ASPH: variants seen among roughly 807,000 people sequenced by gnomAD.
ASPH encodes the protein aspartate beta-hydroxylase, also known as aspartyl/asparaginyl beta-hydroxylase.
Under a neutral mutation model 118.4 loss-of-function variants are expected in ASPH, and 100 were observed. The ratio of observed to expected loss-of-function variants is 0.84; its 90% confidence interval spans 0.72 to 1.00. The LOEUF (loss-of-function observed/expected upper bound fraction) is 1.00. Ranked by LOEUF, ASPH falls within the 50% of genes least tolerant of loss-of-function variation. The probability of loss-of-function intolerance (pLI) is 0.00; values close to 1 mark genes in which losing one functional copy is unlikely to be tolerated. For synonymous variants in ASPH, 315 were observed against 325.6 expected, an observed-to-expected ratio of 0.97 and a Z score of 0.35; for missense variants, 920 against 919.5, an observed-to-expected ratio of 1.00 and a Z score of -0.01.
intron 1 of ASPH, among the ~76,000 whole-genome samples, chr8:61,688,010 T>C (rs1831217966): frequency 6.6e-6 from 1 of 152,190 alleles, no homozygotes; most frequent in Non-Finnish European, 1.5e-5. Context: ...ATACTCTTGA[T>C]ATGTCATTTG....
chr8:61,553,211 T>A (rs1227114028), intron 19 of ASPH, 91 bp from the exon 20 acceptor site: 1 of 1,033,346 alleles, frequency 9.7e-7, no homozygotes, highest in Non-Finnish European at 1.4e-6. Context: ...GCACATCGTA[T>A]GAAAACCTAA....
rs1333564353 is a variant in ASPH, at chr8:61,583,958, T to C, written c.1048A>G (p.Lys350Glu). The change falls in exon 15 of 25, where the codon AAA (lysine) becomes GAA (glutamate). Residue 350 changes from lysine to glutamate, a missense_variant. Physicochemically the swap from Lys to Glu is moderately conservative, Grantham distance 56. Coordinates refer to ENST00000379454, the MANE Select transcript of ASPH (RefSeq NM_004318.4). The stretch of plus-strand genomic sequence containing the variant: ...TATCAACCTACCCTTTTACGGAGTT[T>C]TTCTGCAGCATCAAGTTCAGCTTTA... ...TIKAELDAAE[K>E]LRKRGKIEEA... is the part of the protein sequence containing the mutation. 1 of 1,585,458 alleles carries C rather than the reference T, an allele frequency of 6.3e-7. No individual in the cohort carries two copies. The highest frequency in any genetic ancestry group is 1.2e-5 in the South Asian group (1 of 85,630).
intron 13 of ASPH, chr8:61,624,192 A>C (rs989463065): frequency 1.0e-6 from 1 of 954,016 alleles, no homozygotes; most frequent in Non-Finnish European, 1.2e-6. Flanking sequence ...ATATAGTCAA[A>C]TTTATACATC....
chr8:61,625,268 T>C (rs1852331648), intron 13 of ASPH: 1 of 985,688 alleles, frequency 1.0e-6, no homozygotes, highest in African/African-American at 1.7e-5. Context: ...AAAAGGCTCA[T>C]TGCCGTGAAA....
chr8:61,670,792 C>A (rs1822078110), intron 3 of ASPH, among the ~76,000 whole-genome samples: 1 of 150,950 alleles, frequency 6.6e-6, no homozygotes, highest in African/African-American at 2.4e-5. Flanking sequence ...AGACAAGAAA[C>A]AATAGCTCAA....
intron 3 of ASPH, among the ~76,000 whole-genome samples, chr8:61,671,267 G>A (rs1822359002): frequency 6.6e-6 from 1 of 152,154 alleles, no homozygotes; most frequent in African/African-American, 2.4e-5. Flanking sequence ...TCTCCCTACA[G>A]TGCCAAAATG....
At chr8:61,714,135 A>C in intron 1 of ASPH, 134 bp downstream of exon 1, 3 of 1,234,106 alleles carry the variant, frequency 2.4e-6, no homozygotes, top group Non-Finnish European at 2.0e-6. Flanking sequence ...CCGCGCGCCT[A>C]AAGGAGGAGC....
chr8:61,682,358 A>G, intron 2 of ASPH: 1 of 1,406,708 alleles, frequency 7.1e-7, no homozygotes, highest in Non-Finnish European at 9.9e-7. Flanking sequence ...TCTGATGTAG[A>G]TAATAATTAA....
At chr8:61,698,652 A>C (rs1286572593) in intron 1 of ASPH, among the ~76,000 whole-genome samples, 1 of 152,146 alleles carries the variant, frequency 6.6e-6, no homozygotes, top group African/African-American at 2.4e-5. Context: ...CAATCTTCTA[A>C]CGATGCCTTT....
intron 14 of ASPH, among the ~76,000 whole-genome samples, chr8:61,585,110 G>A (rs567820149): frequency 6.6e-6 from 1 of 152,314 alleles, no homozygotes; most frequent in East Asian, 1.9e-4. Context: ...GGCTGAATCT[G>A]TTTATGTAAG....
intron 21 of ASPH, among the ~76,000 whole-genome samples, chr8:61,538,298 G>A (rs1389421521): frequency 6.6e-6 from 1 of 152,084 alleles, no homozygotes; most frequent in Non-Finnish European, 1.5e-5. Context: ...TTGTTTTGTT[G>A]ACATCTTCAG....
At chr8:61,662,763 G>C in intron 3 of ASPH, 1 of 776,350 alleles carries the variant, frequency 1.3e-6, no homozygotes, top group Non-Finnish European at 1.6e-6. Context: ...TGTTTTAGTT[G>C]AGGTGTTTCA....
chr8:61,612,320 T>C, intron 14 of ASPH, among the ~76,000 whole-genome samples: 1 of 149,076 alleles, frequency 6.7e-6, no homozygotes. Context: ...CTTGAAGATA[T>C]AATAATATAA....
chr8:61,568,102 T>C (rs1333849351), intron 16 of ASPH, among the ~76,000 whole-genome samples: 2 of 152,132 alleles, frequency 1.3e-5, no homozygotes, highest in Non-Finnish European at 2.9e-5. Context: ...CCTGGCAAGA[T>C]ATTGACAATT....
At chr8:61,570,935 T>C (rs1211792475) in intron 16 of ASPH, among the ~76,000 whole-genome samples, 2 of 152,226 alleles carry the variant, frequency 1.3e-5, no homozygotes, top group African/African-American at 2.4e-5. Context: ...AAAATTAATT[T>C]TGGTGATATG....
rs146785515 is a variant in ASPH at position 61,595,133 on chromosome 8, T to G, written c.977-11104A>C. On this transcript the variant is annotated intron_variant, in intron 14 of 24. Coordinates refer to ENST00000379454, the MANE Select transcript of ASPH (RefSeq NM_004318.4). ...CAATGAGAGAAACCCCAAGAGTGTC[T>G]TTAGAGTTTCTCCATATGCTATAAG... Among the ~76,000 whole-genome samples the G allele has an allele frequency of 1.5e-3, 236 of 152,314 alleles. 1 individual carries two copies. The highest frequency in any genetic ancestry group is 5.4e-3 in the African/African-American group (223 of 41,558).
intron 1 of ASPH, among the ~76,000 whole-genome samples, chr8:61,689,258 T>C (rs1467211013): frequency 1.3e-5 from 2 of 152,310 alleles, no homozygotes; most frequent in South Asian, 4.1e-4. Flanking sequence ...TGGTAAGTCC[T>C]TGCTTGAACC....
At chr8:61,655,625 C>T (rs1375524986) in intron 3 of ASPH, among the ~76,000 whole-genome samples, 2 of 152,180 alleles carry the variant, frequency 1.3e-5, no homozygotes, top group Non-Finnish European at 2.9e-5. Flanking sequence ...TGTTCAAATA[C>T]TACTAGTATA....
In ASPH at chr8:61,678,726, C is replaced by A. The variant is rs913105566; in HGVS notation, c.322+2242G>T. On this transcript the variant is annotated intron_variant, in intron 3 of 24. Coordinates refer to ENST00000379454, the MANE Select transcript of ASPH (RefSeq NM_004318.4). ...ATTACTATACCTGCGATGACAACAG[C>A]TCCTCTTATCTCTGATTTCCTACCC... Among the ~76,000 whole-genome samples the A allele has an allele frequency of 3.9e-5, 6 of 152,100 alleles. No individual in the cohort carries two copies. The East Asian group carries it at 1.2e-3, about 29-fold the overall frequency.
Sources: allele counts gnomAD v4.1 joint callset (sites outside exome capture counted in the v4.1 genomes callset), GRCh38; gene constraint gnomAD v4.1.1; transcripts MANE v1.5; gene names NCBI Gene and HGNC (gene_info 2026-07-23, HGNC 2026-07-21).